HEATR5A: variants seen among roughly 807,000 people sequenced by gnomAD.
The protein encoded by HEATR5A is HEAT repeat containing 5A.
A neutral mutation model predicts 218.8 loss-of-function variants in HEATR5A; 178 were observed. The ratio of observed to expected loss-of-function variants is 0.81; its 90% confidence interval spans 0.72 to 0.92. The LOEUF (loss-of-function observed/expected upper bound fraction) is 0.92, where lower values mean the gene tolerates loss of function less well. Ranked by LOEUF, HEATR5A falls within the 40% of genes least tolerant of loss-of-function variation. The pLI is 0.00. For missense variants in HEATR5A, 2,420 were observed against 2,418.9 expected, an observed-to-expected ratio of 1.00 and a Z score of -0.01; for synonymous variants, 864 against 871.6, an observed-to-expected ratio of 0.99 and a Z score of 0.15.
chr14:31,407,217 G>GGA (rs1401663427), intron 1 of HEATR5A, among the ~76,000 whole-genome samples: 1 of 152,154 alleles, frequency 6.6e-6, no homozygotes, highest in Non-Finnish European at 1.5e-5. Context: ...CTTGAGCCCA[G>GGA]GAGGTTGAGG....
At chr14:31,385,456 T>C (rs1013403464) in intron 9 of HEATR5A, among the ~76,000 whole-genome samples, 14 of 152,172 alleles carry the variant, frequency 9.2e-5, no homozygotes, top group African/African-American at 3.4e-4. Flanking sequence ...AAGTGATTTT[T>C]TAAAAAGAAG....
At chr14:31,394,766 C>T (rs2030590833) in intron 5 of HEATR5A, among the ~76,000 whole-genome samples, 2 of 151,926 alleles carry the variant, frequency 1.3e-5, no homozygotes, top group Admixed American at 1.3e-4. Context: ...TGCAGTGAGC[C>T]GAGATCGCGC....
chr14:31,323,202 G>C, intron 24 of HEATR5A, among the ~76,000 whole-genome samples: 1 of 152,138 alleles, frequency 6.6e-6, no homozygotes. Context: ...CATTAAAAAT[G>C]TATTTAAACA....
intron 6 of HEATR5A, 108 bp downstream of exon 6, chr14:31,393,944 G>A (rs1449556500): frequency 5.1e-6 from 4 of 782,406 alleles, no homozygotes; most frequent in Admixed American, 3.2e-5. Flanking sequence ...CACCATGCCT[G>A]GCCTGAAATT....
At chr14:31,417,762 AAAG>A (rs994172201) in intron 1 of HEATR5A, among the ~76,000 whole-genome samples, 10 of 151,956 alleles carry the variant, frequency 6.6e-5, no homozygotes, top group African/African-American at 1.2e-4. Flanking sequence ...AAAAAAAAAA[AAAG>A]GAGAGAGTTG....
chr14:31,348,646 T>C (rs2139213765), intron 18 of HEATR5A, among the ~76,000 whole-genome samples: 1 of 152,354 alleles, frequency 6.6e-6, no homozygotes. Flanking sequence ...ATGTACTGTG[T>C]GCTCATTTAA....
chr14:31,353,250 T>G (rs891932238), intron 16 of HEATR5A, among the ~76,000 whole-genome samples: 1 of 152,186 alleles, frequency 6.6e-6, no homozygotes, highest in Non-Finnish European at 1.5e-5. Context: ...TAATAACTTG[T>G]TTTGTTTCCC....
chr14:31,364,659 A>G (rs1321462087), intron 13 of HEATR5A, among the ~76,000 whole-genome samples: 1 of 152,132 alleles, frequency 6.6e-6, no homozygotes, highest in Non-Finnish European at 1.5e-5. Context: ...CATGGGCTCA[A>G]GCAATCCTCT....
At chr14:31,308,456 G>A (rs1011971756) in intron 29 of HEATR5A, among the ~76,000 whole-genome samples, 1 of 147,796 alleles carries the variant, frequency 6.8e-6, no homozygotes, top group Non-Finnish European at 1.5e-5. Context: ...GCGGTGAGCC[G>A]AGATCGCTCC....
chr14:31,398,105 AAG>A (rs1452997581), intron 4 of HEATR5A, among the ~76,000 whole-genome samples: 6 of 152,236 alleles, frequency 3.9e-5, no homozygotes, highest in African/African-American at 1.4e-4. Context: ...AAGTCAAATG[AAG>A]AGACAGTCTC....
At chr14:31,329,645 A>T (rs1900395927) in intron 22 of HEATR5A, among the ~76,000 whole-genome samples, 1 of 152,196 alleles carries the variant, frequency 6.6e-6, no homozygotes, top group Non-Finnish European at 1.5e-5. Context: ...CGTTGAGTAT[A>T]TGTGGCTTTT....
chr14:31,304,860 A>G, intron 32 of HEATR5A, 45 bp downstream of exon 32: 1 of 1,588,754 alleles, frequency 6.3e-7, no homozygotes, highest in Non-Finnish European at 8.5e-7. Flanking sequence ...TATTAAAACC[A>G]TTTCTCTTCT....
At chr14:31,395,053 T>C in intron 5 of HEATR5A, 146 bp downstream of exon 5, 1 of 487,986 alleles carries the variant, frequency 2.0e-6, no homozygotes, top group Non-Finnish European at 3.6e-6. Context: ...TTCATATAAC[T>C]CTGGGCCTTA....
intron 19 of HEATR5A, 77 bp downstream of exon 19, chr14:31,347,671 T>A: frequency 9.5e-7 from 1 of 1,050,002 alleles, no homozygotes; most frequent in Non-Finnish European, 1.3e-6. Context: ...TCATAAATTA[T>A]TAATGTTCAA....
chr14:31,386,447 C>T lies in HEATR5A; in HGVS notation c.1318G>A (p.Ala440Thr). The T allele has an allele frequency of 1.2e-6, 2 of 1,613,668 alleles. No individual in the cohort carries two copies. The highest frequency in any genetic ancestry group is 1.7e-6 in the Non-Finnish European group (2 of 1,179,746). The change falls in exon 9 of 36, where the codon GCA becomes ACA. Residue 440 changes from alanine (A) to threonine (T), a missense_variant. Ala to Thr is a moderately conservative substitution (Grantham distance 58). Coordinates refer to ENST00000543095, the MANE Select transcript of HEATR5A (RefSeq NM_015473.4). ...NLIHNLGTTA[A>T]PLLQDSSTGL... ...GTACTTGAATCCTGTAGCAAAGGTG[C>T]CGCTGTGGTGCCAAGATTGTGTATG...
chr14:31,324,551 A>G (rs1220134831), intron 23 of HEATR5A, among the ~76,000 whole-genome samples: 3 of 152,224 alleles, frequency 2.0e-5, no homozygotes, highest in Non-Finnish European at 4.4e-5. Flanking sequence ...GAAGGTATGG[A>G]GCCAAACCTC....
At chr14:31,367,952 C>T (rs991768259) in intron 13 of HEATR5A, among the ~76,000 whole-genome samples, 1 of 151,844 alleles carries the variant, frequency 6.6e-6, no homozygotes, top group Non-Finnish European at 1.5e-5. Context: ...TTTTTAGTAA[C>T]GTATGGGACA....
At chr14:31,401,001 G>A (rs1002800210) in intron 2 of HEATR5A, among the ~76,000 whole-genome samples, 2 of 151,806 alleles carry the variant, frequency 1.3e-5, no homozygotes, top group Admixed American at 1.3e-4. Flanking sequence ...CACCATGCCC[G>A]GCTAATTTTT....
intron 3 of HEATR5A, among the ~76,000 whole-genome samples, chr14:31,399,641 C>T (rs897820420): frequency 1.3e-5 from 2 of 152,064 alleles, no homozygotes; most frequent in African/African-American, 4.8e-5. Context: ...ACCAGCCTGG[C>T]CAACATGGTG....
Sources: gnomAD v4.1 joint callset for allele counts (sites outside exome capture counted in the v4.1 genomes callset) on GRCh38, gnomAD v4.1.1 for gene constraint, MANE v1.5 for transcripts, NCBI Gene and HGNC (gene_info 2026-07-23, HGNC 2026-07-21) for gene names.